EDARADD: variants seen among roughly 807,000 people sequenced by gnomAD.
EDARADD encodes the protein ectodysplasin-A receptor-associated adapter protein.
Under a neutral mutation model 25.6 loss-of-function variants are expected in EDARADD, and 20 were observed. That is an observed-to-expected ratio of 0.78 (90% confidence interval 0.55 to 1.14). The LOEUF is 1.14. Ranked by LOEUF, EDARADD falls within the 50% of genes most tolerant of loss-of-function variation. EDARADD has a pLI of 0.00. For missense variants in EDARADD, 225 were observed against 270.1 expected (o/e 0.83, Z 1.17); for synonymous variants, 86 against 94.4 (o/e 0.91, Z 0.52).
chr1:236,449,951 A>G (rs1195668348), intron 4 of EDARADD, among the ~76,000 whole-genome samples: 1 of 152,134 alleles, frequency 6.6e-6, no homozygotes, highest in African/African-American at 2.4e-5. Flanking sequence ...AAATACAAAA[A>G]TTAGCCGGGT....
chr1:236,433,004 G>T (rs1658148446), intron 4 of EDARADD, among the ~76,000 whole-genome samples: 1 of 151,722 alleles, frequency 6.6e-6, no homozygotes, highest in Non-Finnish European at 1.5e-5. Flanking sequence ...TGCGACAAAT[G>T]TATCCCACTA....
chr1:236,367,553 C>T lies in EDARADD; in HGVS notation c.-6+16714C>T, dbSNP rs950923277. 5.9e-5 allele frequency among the ~76,000 whole-genome samples: 9 copies of T among 152,080 alleles called. No individual in the cohort carries two copies. The East Asian group carries it at 7.8e-4, about 13-fold the overall frequency. ...CCATTTTATTTCATTTTTGTAGAGA[C>T]GAGGTCTCACTATGTTGCTCAGGCT... On this transcript the variant is annotated intron_variant, in intron 3 of 7. Transcript: ENST00000439430.
intron 4 of EDARADD, among the ~76,000 whole-genome samples, chr1:236,467,426 G>GCACACACACACA (rs376781528): frequency 2.2e-5 from 3 of 139,020 alleles, no homozygotes; most frequent in South Asian, 2.2e-4. Flanking sequence ...ACACACACGC[G>GCACACACACACA]CACACACACA....
intron 5 of EDARADD, 128 bp from the exon 6 acceptor site, chr1:236,482,139 A>G: frequency 8.9e-7 from 1 of 1,127,678 alleles, no homozygotes; most frequent in Non-Finnish European, 1.3e-6. Flanking sequence ...AAAGAAAGAA[A>G]CGAGCATTCT....
At chr1:236,409,087 A>AAG in intron 1 of EDARADD, 129 bp from the exon 2 acceptor site, 1 of 456,908 alleles carries the variant, frequency 2.2e-6, no homozygotes, top group Non-Finnish European at 3.9e-6. Context: ...AAAAAAAAAA[A>AAG]GGAGTAAGGT....
intron 4 of EDARADD, among the ~76,000 whole-genome samples, chr1:236,442,400 A>T (rs1227254775): frequency 1.3e-5 from 2 of 152,222 alleles, no homozygotes; most frequent in African/African-American, 4.8e-5. Context: ...TGCTGGGATT[A>T]CAGGTGTGAG....
At chr1:236,411,175 T>A (rs1657463802) in intron 2 of EDARADD, among the ~76,000 whole-genome samples, 1 of 152,178 alleles carries the variant, frequency 6.6e-6, no homozygotes, top group South Asian at 2.1e-4. Context: ...TACTTCTCCA[T>A]GCTGGGGACA....
intron 1 of EDARADD, among the ~76,000 whole-genome samples, chr1:236,402,818 C>A (rs1667636872): frequency 6.6e-6 from 1 of 152,136 alleles, no homozygotes; most frequent in Non-Finnish European, 1.5e-5. Flanking sequence ...ACCCTGTGAT[C>A]TTGGATACTC....
chr1:236,470,953 G>C (rs924845565), intron 5 of EDARADD, among the ~76,000 whole-genome samples: 1 of 152,158 alleles, frequency 6.6e-6, no homozygotes, highest in Non-Finnish European at 1.5e-5. Flanking sequence ...ATGTTGGCCA[G>C]GCTGGTCTCA....
At chr1:236,417,740 C>T (rs1051049106) in intron 3 of EDARADD, among the ~76,000 whole-genome samples, 6 of 151,676 alleles carry the variant, frequency 4.0e-5, no homozygotes, top group Non-Finnish European at 5.9e-5. Flanking sequence ...TTCACATTTT[C>T]GAGAGAAAAA....
chr1:236,429,316 C>T (rs1401563124), intron 4 of EDARADD, among the ~76,000 whole-genome samples: 1 of 150,518 alleles, frequency 6.6e-6, no homozygotes, highest in Non-Finnish European at 1.5e-5. Flanking sequence ...AAGAGATTCT[C>T]ATGCCTCAGC....
chr1:236,484,406 A>G lies in EDARADD; in HGVS notation c.*1757A>G. On this transcript the variant is annotated 3_prime_UTR_variant, in exon 6 of 6. Transcript: ENST00000334232. The surrounding 1 kb of genome is among the most constrained non-coding windows in gnomAD (Gnocchi z 4.1). Reference sequence around the variant, plus strand: ...AGTACAACCAGCTCCTCAGAATTGAAGAGGAGCTGGGCAGCAAGGCTAAGT... The same window carrying G: ...AGTACAACCAGCTCCTCAGAATTGAGGAGGAGCTGGGCAGCAAGGCTAAGT... The G allele has an allele frequency of 9.9e-6, 16 of 1,609,066 alleles. No homozygotes were observed. The highest frequency in any genetic ancestry group is 1.4e-5 in the Non-Finnish European group (16 of 1,176,528).
At chr1:236,397,641 T>C (rs1667539893) in intron 1 of EDARADD, among the ~76,000 whole-genome samples, 1 of 152,110 alleles carries the variant, frequency 6.6e-6, no homozygotes, top group Non-Finnish European at 1.5e-5. Flanking sequence ...AACCCAAACC[T>C]GTCGGTGAAA....
chr1:236,454,351 A>T (rs1444305743), intron 4 of EDARADD, among the ~76,000 whole-genome samples: 4 of 151,988 alleles, frequency 2.6e-5, no homozygotes, highest in Non-Finnish European at 5.9e-5. Context: ...CCCGGCCTAG[A>T]GTTTGTATCT....
At chr1:236,372,427 T>C (rs1281772819) in intron 3 of EDARADD, among the ~76,000 whole-genome samples, 4 of 152,236 alleles carry the variant, frequency 2.6e-5, no homozygotes, top group Admixed American at 1.3e-4. Flanking sequence ...ATCTGCTCAG[T>C]CATGGTGTAT....
chr1:236,366,867 A>G (rs1458359150), intron 3 of EDARADD, among the ~76,000 whole-genome samples: 1 of 151,964 alleles, frequency 6.6e-6, no homozygotes, highest in East Asian at 1.9e-4. Flanking sequence ...ACCTGAGGTC[A>G]GGAGTCCGAG....
chr1:236,384,769 C>T (rs1331380444), intron 3 of EDARADD, among the ~76,000 whole-genome samples: 2 of 152,112 alleles, frequency 1.3e-5, no homozygotes, highest in Non-Finnish European at 2.9e-5. Flanking sequence ...CTCCTGGCCT[C>T]AAGCAATTCC....
intron 3 of EDARADD, 115 bp downstream of exon 3, chr1:236,414,414 G>T: frequency 1.3e-6 from 1 of 798,286 alleles, no homozygotes; most frequent in Non-Finnish European, 2.1e-6. Flanking sequence ...CATGCCCATA[G>T]ATTAGCTCGT....
chr1:236,410,160 G>A (rs1412910567), intron 2 of EDARADD, among the ~76,000 whole-genome samples: 1 of 151,936 alleles, frequency 6.6e-6, no homozygotes, highest in Non-Finnish European at 1.5e-5. Flanking sequence ...TAGCATAATG[G>A]TTAGGTTTGG....
Sources: gnomAD v4.1 joint callset for allele counts (sites outside exome capture counted in the v4.1 genomes callset) on GRCh38, gnomAD v4.1.1 for gene constraint, Gnocchi (gnomAD v3.1) non-coding constraint, MANE v1.5 for transcripts, NCBI Gene and HGNC (gene_info 2026-07-23, HGNC 2026-07-21) for gene names.